Variants in RBL1 observed in about 807,000 individuals in gnomAD.
RBL1 encodes RB transcriptional corepressor like 1, also known as retinoblastoma-like protein 1.
Under a neutral mutation model 123.0 loss-of-function variants are expected in RBL1, and 82 were observed. That is an observed-to-expected ratio of 0.67 (90% CI 0.56 to 0.80). The LOEUF (loss-of-function observed/expected upper bound fraction) is 0.80, where lower values mean the gene tolerates loss of function less well. RBL1 is among the 30% of genes least tolerant of loss of function. RBL1 has a pLI of 0.00. For synonymous variants in RBL1, 405 were observed against 441.3 expected (o/e 0.92, Z 1.03); for missense variants, 1,171 against 1,299.6 (o/e 0.90, Z 1.52).
chr20:37,072,234 C>T (rs773845412), intron 2 of RBL1, among the ~76,000 whole-genome samples: 3 of 152,062 alleles, frequency 2.0e-5, no homozygotes, highest in Non-Finnish European at 2.9e-5. Context: ...TTTGGGAGTC[C>T]GAGGCAGGTG....
At chr20:37,056,832 T>C (rs1291158084) in intron 9 of RBL1, among the ~76,000 whole-genome samples, 1 of 152,210 alleles carries the variant, frequency 6.6e-6, no homozygotes, top group Non-Finnish European at 1.5e-5. Flanking sequence ...GACTATACTA[T>C]GTACCTTATA....
intron 2 of RBL1, among the ~76,000 whole-genome samples, chr20:37,075,609 C>T (rs1333518933): frequency 6.6e-6 from 1 of 152,120 alleles, no homozygotes; most frequent in Non-Finnish European, 1.5e-5. Context: ...GCACATGCCA[C>T]CACACCTGAC....
chr20:37,083,602 T>C (rs1314103667), intron 2 of RBL1, among the ~76,000 whole-genome samples: 2 of 110,820 alleles, frequency 1.8e-5, no homozygotes, highest in Non-Finnish European at 3.5e-5. Context: ...CTGGCCAAAA[T>C]AGCGAAACCC....
chr20:37,068,862 C>CTCTCCCTCTCTTTCCACGG (rs2065227250), intron 2 of RBL1, among the ~76,000 whole-genome samples: 2 of 151,686 alleles, frequency 1.3e-5, no homozygotes, highest in South Asian at 4.1e-4. Flanking sequence ...CACGGTCTCC[C>CTCTCCCTCTCTTTCCACGG]TCTCCCTCTC....
chr20:37,043,127 G>A (rs919643843), intron 13 of RBL1, among the ~76,000 whole-genome samples: 1 of 150,716 alleles, frequency 6.6e-6, no homozygotes, highest in Non-Finnish European at 1.5e-5. Context: ...TGTGCAACAT[G>A]GCAAGATCCT....
Position 37,005,894 on chromosome 20 carries a change from C to CTTTTTTTTTTTTTTTTT in RBL1, c.2871+1500_2871+1516dup, listed in dbSNP as rs1013303071. On this transcript the variant is annotated intron_variant, in intron 20 of 21. Transcript: ENST00000373664. ...CTTCTTTTCTTTTTTTTTTTTCTTT[C>CTTTTTTTTTTTTTTTTT]TTTTTTTTTTTTTTTTTTTGAGGCA... Among the ~76,000 whole-genome samples, 16 of 98,132 alleles carry CTTTTTTTTTTTTTTTTT rather than the reference C, an allele frequency of 1.6e-4. 1 individual carries two copies. Among genetic ancestry groups the CTTTTTTTTTTTTTTTTT allele is most frequent in the Non-Finnish European group, 1.7e-4 (9 of 53,544 alleles). 64.4% of individuals were successfully genotyped at this position (98,132 alleles called of 152,430 possible).
intron 14 of RBL1, among the ~76,000 whole-genome samples, chr20:37,037,671 T>C (rs576400965): frequency 2.0e-4 from 31 of 151,918 alleles, no homozygotes; most frequent in African/African-American, 7.5e-4. Context: ...TCACATCTTA[T>C]GCAATCTTGT....
chr20:37,072,917 C>T (rs1240899871), intron 2 of RBL1, among the ~76,000 whole-genome samples: 2 of 152,082 alleles, frequency 1.3e-5, no homozygotes, highest in Non-Finnish European at 2.9e-5. Context: ...ATCACCTATC[C>T]AATACTTCTT....
At chr20:37,013,620 C>T (rs2087554204) in intron 19 of RBL1, among the ~76,000 whole-genome samples, 1 of 151,918 alleles carries the variant, frequency 6.6e-6, no homozygotes, top group South Asian at 2.1e-4. Context: ...AGACACTACC[C>T]TCAATAGCCA....
At chr20:37,044,961 T>C (rs2064794458) in intron 12 of RBL1, among the ~76,000 whole-genome samples, 1 of 152,110 alleles carries the variant, frequency 6.6e-6, no homozygotes, top group Non-Finnish European at 1.5e-5. Flanking sequence ...ACTTTGCGTA[T>C]ATACACTATA....
chr20:37,057,012 CCT>C (rs2065022105), intron 9 of RBL1, among the ~76,000 whole-genome samples: 2 of 108,932 alleles, frequency 1.8e-5, no homozygotes, highest in African/African-American at 7.5e-5. Flanking sequence ...TATCTACCTA[CCT>C]ACCTACCTAC....
intron 20 of RBL1, among the ~76,000 whole-genome samples, chr20:37,005,280 G>A (rs1479147412): frequency 2.0e-5 from 3 of 151,830 alleles, no homozygotes; most frequent in Non-Finnish European, 2.9e-5. Flanking sequence ...GGTGACAGGC[G>A]CCTGTAATGC....
At chr20:37,090,541 C>A in intron 1 of RBL1, among the ~76,000 whole-genome samples, 1 of 152,128 alleles carries the variant, frequency 6.6e-6, no homozygotes, top group Non-Finnish European at 1.5e-5. Flanking sequence ...TAATATTAAT[C>A]TTACGCAACA....
chr20:37,005,932 G>C (rs1195113772), intron 20 of RBL1, among the ~76,000 whole-genome samples: 2 of 105,756 alleles, frequency 1.9e-5, no homozygotes. Context: ...GTCTTGCTCT[G>C]TTGCCCAGAC....
chr20:37,020,127 C>G (rs1390136852), intron 18 of RBL1, among the ~76,000 whole-genome samples: 2 of 142,448 alleles, frequency 1.4e-5, no homozygotes, highest in African/African-American at 2.6e-5. Flanking sequence ...CTCGCTCTGT[C>G]GGCCAGGCTG....
At position 37,022,635 on chromosome 20, in the gene RBL1, C is replaced by G; in HGVS notation, c.2559+15G>C. On this transcript the variant is annotated intron_variant, in intron 17 of 21. Transcript: ENST00000373664. ...AGCCACCATGCCCAGCCTCTTCTCC[C>G]AATTTATACATTACCTTTGCCATGA... 22 of 1,587,790 alleles carry G rather than the reference C, an allele frequency of 1.4e-5. No individual in the cohort carries two copies. Among genetic ancestry groups the G allele is most frequent in the Non-Finnish European group, 1.9e-5 (22 of 1,164,444 alleles).
intron 3 of RBL1, 54 bp downstream of exon 3, chr20:37,067,932 C>A (rs1343816483): frequency 1.3e-6 from 2 of 1,562,210 alleles, no homozygotes; most frequent in Non-Finnish European, 1.7e-6. Context: ...AAAGTATATT[C>A]TCTTAGTTTG....
In RBL1 at chr20:37,032,853, T is replaced by C; in HGVS notation, c.2194A>G (p.Ile732Val). ...TTCATGGAAAGAGGTATCAGTGTGATCTCTCCAGCATCATTTGCGACACCT... is the reference window on the plus strand; with the variant it reads ...TTCATGGAAAGAGGTATCAGTGTGACCTCTCCAGCATCATTTGCGACACCT... ...LHGVANDAGE[I>V]TLIPLSMNTN... Residue 732 changes from isoleucine to valine, a missense_variant, in exon 16 of 22, where the codon ATC (isoleucine) becomes GTC (valine). Physicochemically the swap from Ile to Val is conservative, Grantham distance 29 (BLOSUM62 3). Coordinates refer to ENST00000373664, the MANE Select transcript of RBL1 (RefSeq NM_002895.5). 1 of 1,614,028 alleles carries C rather than the reference T, an allele frequency of 6.2e-7. No individual in the cohort carries two copies.
At chr20:37,028,396 GA>G (rs2064457780) in intron 16 of RBL1, among the ~76,000 whole-genome samples, 1 of 151,914 alleles carries the variant, frequency 6.6e-6, no homozygotes, top group Non-Finnish European at 1.5e-5. Flanking sequence ...CTTGGGTGGT[GA>G]CTCACACAGT....
Sources: gnomAD v4.1 joint callset for allele counts (sites outside exome capture counted in the v4.1 genomes callset) on GRCh38, gnomAD v4.1.1 for gene constraint, MANE v1.5 for transcripts, NCBI Gene and HGNC (gene_info 2026-07-23, HGNC 2026-07-21) for gene names.